The following OPCML variants were observed in gnomAD, a reference collection of about 807,000 sequenced individuals.
OPCML encodes opioid-binding protein/cell adhesion molecule.
OPCML carries 13 observed loss-of-function variants against 37.8 expected under a neutral mutation model. That is an observed-to-expected ratio of 0.34 (90% CI 0.22 to 0.55). The LOEUF (loss-of-function observed/expected upper bound fraction) is 0.55, where lower values mean the gene tolerates loss of function less well. OPCML is among the 20% of genes least tolerant of loss of function. OPCML has a pLI of 0.91. For missense variants in OPCML, 341 were observed against 435.6 expected, an observed-to-expected ratio of 0.78 and a Z score of 1.93; for synonymous variants, 176 against 168.8, an observed-to-expected ratio of 1.04 and a Z score of -0.33.
Position 132,458,897 on chromosome 11 carries a change from G to A in OPCML, c.506-21538C>T, listed in dbSNP as rs114080565. Among the ~76,000 whole-genome samples, 969 of 152,212 alleles carry A rather than the reference G, an allele frequency of 6.4e-3. 14 individuals are homozygous for A. The highest frequency in any genetic ancestry group is 0.022 in the African/African-American group (920 of 41,540). On this transcript the variant is annotated intron_variant, in intron 4 of 7. Coordinates refer to ENST00000524381, the MANE Select transcript of OPCML (RefSeq NM_001012393.5). ...CTCCCTCATAAAGTGAGGGAGTTAG[G>A]AAATAAAGCATTTAATAGCCCTTTC...
chr11:132,929,809 A>G (rs571919252), intron 2 of OPCML, among the ~76,000 whole-genome samples: 2 of 152,300 alleles, frequency 1.3e-5, no homozygotes, highest in East Asian at 3.9e-4. Context: ...ACAACACATG[A>G]CCATCTGAAT....
At chr11:132,634,202 T>A (rs560139505) in intron 3 of OPCML, among the ~76,000 whole-genome samples, 22 of 152,316 alleles carry the variant, frequency 1.4e-4, no homozygotes, top group Admixed American at 9.1e-4. Context: ...TTCCAGGGTG[T>A]CTCAGAAAAT....
At chr11:132,489,295 T>C (rs2096208964) in intron 4 of OPCML, among the ~76,000 whole-genome samples, 2 of 152,180 alleles carry the variant, frequency 1.3e-5, no homozygotes, top group South Asian at 2.1e-4. Flanking sequence ...GGAGCTGTCA[T>C]CTCCTGTGAT....
chr11:133,454,670 G>A (rs1256933626), intron 1 of OPCML, among the ~76,000 whole-genome samples: 1 of 152,080 alleles, frequency 6.6e-6, no homozygotes, highest in East Asian at 1.9e-4. Flanking sequence ...TCTAGAAAGG[G>A]GAAATAAGCA....
intron 1 of OPCML, among the ~76,000 whole-genome samples, chr11:133,027,616 G>A (rs1449814453): frequency 6.7e-6 from 1 of 149,088 alleles, no homozygotes; most frequent in East Asian, 2.1e-4. Context: ...TGGTGTGTGT[G>A]TTTGGTATGT....
At chr11:132,472,316 C>T (rs757123981) in intron 4 of OPCML, among the ~76,000 whole-genome samples, 2 of 152,098 alleles carry the variant, frequency 1.3e-5, no homozygotes, top group Non-Finnish European at 2.9e-5. Context: ...AAGCACTCCA[C>T]AAAAATCTGC....
intron 1 of OPCML, among the ~76,000 whole-genome samples, chr11:133,163,602 A>G (rs1592063476): frequency 6.6e-6 from 1 of 152,204 alleles, no homozygotes; most frequent in African/African-American, 2.4e-5. Context: ...GGTGTATACC[A>G]CAGCCTCTTC....
At chr11:132,499,414 C>T (rs1223691505) in intron 4 of OPCML, among the ~76,000 whole-genome samples, 1 of 152,148 alleles carries the variant, frequency 6.6e-6, no homozygotes, top group Non-Finnish European at 1.5e-5. Flanking sequence ...CATCACTATG[C>T]CGTAGGTTTC....
chr11:133,277,645 T>C (rs1328115892), intron 1 of OPCML, among the ~76,000 whole-genome samples: 1 of 152,240 alleles, frequency 6.6e-6, no homozygotes, highest in East Asian at 1.9e-4. Flanking sequence ...TTCCTTATCA[T>C]ATGTATTCCT....
intron 1 of OPCML, among the ~76,000 whole-genome samples, chr11:133,267,891 G>C (rs576363178): frequency 6.6e-6 from 1 of 152,250 alleles, no homozygotes; most frequent in African/African-American, 2.4e-5. Context: ...ATGGTTGGGA[G>C]GCCTCCCCAG....
intron 3 of OPCML, among the ~76,000 whole-genome samples, chr11:132,636,824 T>C (rs1376689847): frequency 6.6e-6 from 1 of 152,202 alleles, no homozygotes; most frequent in Non-Finnish European, 1.5e-5. Flanking sequence ...TAAAGTACTG[T>C]CTGCTCACTA....
At chr11:133,404,412 G>A (rs1945480355) in intron 1 of OPCML, among the ~76,000 whole-genome samples, 1 of 152,308 alleles carries the variant, frequency 6.6e-6, no homozygotes, top group South Asian at 2.1e-4. Context: ...GTGATAATGG[G>A]AAAAGGTGCC....
chr11:133,159,741 T>C lies in OPCML; in HGVS notation c.62-216731A>G, dbSNP rs190562036. ...ATGGAATGGCTCCACCATTGTGGAA[T>C]GTCTCCCTGTCTCCCAAAGCCCAGC... On this transcript the variant is annotated intron_variant, in intron 1 of 7. Transcript: ENST00000524381. Among the ~76,000 whole-genome samples, 22 of 152,368 alleles carry C rather than the reference T, an allele frequency of 1.4e-4. No individual in the cohort carries two copies. The East Asian group carries it at 3.5e-3, about 24-fold the overall frequency.
intron 1 of OPCML, among the ~76,000 whole-genome samples, chr11:133,144,151 G>A (rs538068386): frequency 6.6e-5 from 10 of 152,238 alleles, no homozygotes; most frequent in African/African-American, 2.4e-4. Context: ...CTTTCACGAC[G>A]AATGCTTCAG....
intron 2 of OPCML, among the ~76,000 whole-genome samples, chr11:132,922,298 C>T (rs190860120): frequency 1.2e-4 from 18 of 152,214 alleles, no homozygotes; most frequent in South Asian, 4.2e-4. Context: ...AGTAGACCCT[C>T]GACCCAAGCT....
rs572844617 is a variant in OPCML at position 133,173,344 on chromosome 11, C to T, written c.62-230334G>A. Among the ~76,000 whole-genome samples the T allele has an allele frequency of 6.6e-6, 1 of 152,278 alleles. No individual in the cohort carries two copies. The highest frequency in any genetic ancestry group is 6.5e-5 in the Admixed American group (1 of 15,294). ...GTCTCTACTTGTAGACCCCAACATT[C>T]TTGGAGTCTGAGACTCATAGAGAGG... On this transcript the variant is annotated intron_variant, in intron 1 of 7. Coordinates refer to ENST00000524381, the MANE Select transcript of OPCML (RefSeq NM_001012393.5). The surrounding 1 kb of genome is among the most constrained non-coding windows in gnomAD (Gnocchi z 7.8).
At chr11:132,533,893 A>G (rs114954543) in intron 3 of OPCML, among the ~76,000 whole-genome samples, 145 of 152,236 alleles carry the variant, frequency 9.5e-4, no homozygotes, top group African/African-American at 3.5e-3. Context: ...TGCCTTTATC[A>G]CACCATTTAT....
At chr11:132,861,377 T>C (rs2136359084) in intron 2 of OPCML, among the ~76,000 whole-genome samples, 2 of 152,370 alleles carry the variant, frequency 1.3e-5, no homozygotes, top group South Asian at 4.1e-4. Flanking sequence ...AAATAACTCC[T>C]ATGTGTTAAG....
chr11:133,129,173 G>C (rs540848594), intron 1 of OPCML, among the ~76,000 whole-genome samples: 5 of 152,254 alleles, frequency 3.3e-5, no homozygotes, highest in African/African-American at 1.2e-4. Context: ...TTCCAGAATG[G>C]AGTGCTAGAG....
Sources: allele counts gnomAD v4.1 joint callset (sites outside exome capture counted in the v4.1 genomes callset), GRCh38; gene constraint gnomAD v4.1.1; non-coding constraint Gnocchi (gnomAD v3.1); transcripts MANE v1.5; gene names NCBI Gene and HGNC (gene_info 2026-07-23, HGNC 2026-07-21).